RBM42: variants seen among roughly 807,000 people sequenced by gnomAD.
RBM42 encodes the protein RNA-binding protein 42.
In RBM42, 21 loss-of-function variants were observed where a neutral mutation model predicts 41.4. That is an observed-to-expected ratio of 0.51 (90% CI 0.36 to 0.73). The LOEUF (loss-of-function observed/expected upper bound fraction) is 0.73. Among genes scored for constraint, RBM42 ranks in the 30% least tolerant of loss-of-function variants. RBM42 has a pLI of 0.00. For missense variants in RBM42, 539 were observed against 680.4 expected (o/e 0.79, Z 2.31); for synonymous variants, 272 against 271.2 (o/e 1.00, Z -0.03).
Position 35,633,181 on chromosome 19 carries a change from A to G in RBM42, c.613A>G (p.Met205Val). The part of the protein sequence containing the change: ...PPLPGPPGPP[M>V]MLPPMARAPG... ...TCTGCCTGGGCCCCCTGGACCACCC[A>G]TGATGCTGCCACCAATGGCTCGGGC... is the stretch of plus-strand genomic sequence containing the variant. The change falls in exon 6 of 10, where the codon ATG (methionine) becomes GTG (valine). Residue 205 changes from methionine to valine, a missense_variant. Physicochemically the swap from Met to Val is conservative, Grantham distance 21. Transcript: ENST00000262633. 6.2e-7 allele frequency: 1 copy of G among 1,612,260 alleles called. No homozygotes were observed. Among genetic ancestry groups the G allele is most frequent in the Non-Finnish European group, 8.5e-7 (1 of 1,178,986 alleles).
chr19:35,633,295 G>A lies in RBM42; in HGVS notation c.684+43G>A, dbSNP rs751625073. On this transcript the variant is annotated intron_variant, in intron 6 of 9. Transcript: ENST00000262633. The stretch of plus-strand genomic sequence containing the variant: ...ACTAACGGTCAGATGTGCGGTGGAC[G>A]GGGAGACCATCCATCCTGGCCCAAT... 2.3e-5 allele frequency: 33 copies of A among 1,461,198 alleles called. No individual in the cohort carries two copies. The East Asian group carries it at 2.8e-4, about 12-fold the overall frequency. 90.5% of individuals were successfully genotyped at this position (1,461,198 alleles called of 1,614,324 possible).
At position 35,629,097 on chromosome 19, in the gene RBM42, A is replaced by G. The variant is rs1256734186; in HGVS notation, c.-57A>G. On this transcript the variant is annotated 5_prime_UTR_variant, in exon 1 of 10. Transcript: ENST00000262633. ...ACGAAGGGGGAGAGTAGACAGCAGA[A>G]CCAGCGGCGGCGGCTAAGCAGAGAC... 2.0e-6 allele frequency: 3 copies of G among 1,481,286 alleles called. No individual in the cohort carries two copies. The highest frequency in any genetic ancestry group is 2.7e-6 in the Non-Finnish European group (3 of 1,120,054). The allele number at this position is 1,481,286 out of a possible 1,614,324, so 91.8% of individuals were successfully genotyped here.
At position 35,629,101 on chromosome 19, in the gene RBM42, G is replaced by T; in HGVS notation, c.-53G>T. ...AGGGGGAGAGTAGACAGCAGAACCA[G>T]CGGCGGCGGCTAAGCAGAGACTGTA... On this transcript the variant is annotated 5_prime_UTR_variant, in exon 1 of 10. Coordinates refer to ENST00000262633, the MANE Select transcript of RBM42 (RefSeq NM_024321.5). 5 of 1,480,022 alleles carry T rather than the reference G, an allele frequency of 3.4e-6. No homozygotes were observed. Among genetic ancestry groups the T allele is most frequent in the Non-Finnish European group, 4.5e-6 (5 of 1,119,110 alleles). The allele number at this position is 1,480,022 out of a possible 1,614,324, so 91.7% of individuals were successfully genotyped here.
At position 35,631,233 on chromosome 19, in the gene RBM42, A is replaced by C. The variant is rs1568333896; in HGVS notation, c.367+9A>C. Reference sequence around the variant, plus strand: ...TCCTTTTGTAGGCCCTGGTAAGTAAAGAGTAGCAAGGTGAGGGGGTTGGGC... The same window carrying C: ...TCCTTTTGTAGGCCCTGGTAAGTAACGAGTAGCAAGGTGAGGGGGTTGGGC... On this transcript the variant is annotated intron_variant, in intron 3 of 9. Transcript: ENST00000262633. 10 of 1,613,922 alleles carry C rather than the reference A, an allele frequency of 6.2e-6. No homozygotes were observed. The highest frequency in any genetic ancestry group is 3.3e-5 in the South Asian group (3 of 91,078).
At chr19:35,631,662 T>C (rs1967409224) in intron 4 of RBM42, 1 of 539,396 alleles carries the variant, frequency 1.9e-6, no homozygotes, top group Admixed American at 3.6e-5. Context: ...TAACAAGCTA[T>C]ATAATTTCTT....
At chr19:35,636,524 CAG>C (rs1461193929) in intron 8 of RBM42, among the ~76,000 whole-genome samples, 1 of 152,176 alleles carries the variant, frequency 6.6e-6, no homozygotes, top group African/African-American at 2.4e-5. Context: ...TTCATTGGGA[CAG>C]AGCATGTTCA....
chr19:35,634,868 C>G (rs1967470116), intron 8 of RBM42, among the ~76,000 whole-genome samples: 1 of 151,848 alleles, frequency 6.6e-6, no homozygotes, highest in Non-Finnish European at 1.5e-5. Flanking sequence ...ACCCGTCTAC[C>G]CACCACCTAG....
chr19:35,636,595 GC>G (rs1432359144), intron 8 of RBM42, among the ~76,000 whole-genome samples: 3 of 152,236 alleles, frequency 2.0e-5, no homozygotes, highest in African/African-American at 7.2e-5. Context: ...TGCAGCCATG[GC>G]GGAGGAGCAG....
intron 6 of RBM42, 42 bp from the exon 7 acceptor site, chr19:35,633,645 G>C: frequency 7.2e-7 from 1 of 1,387,954 alleles, no homozygotes; most frequent in Non-Finnish European, 9.3e-7. Flanking sequence ...TAAAGTCTGA[G>C]CCTGTGAGCC....
Position 35,634,026 on chromosome 19 carries a change from A to C in RBM42, c.1017+7A>C. The C allele has an allele frequency of 6.7e-7, 1 of 1,493,864 alleles. No homozygotes were observed. Among genetic ancestry groups the C allele is most frequent in the Non-Finnish European group, 8.9e-7 (1 of 1,126,872 alleles). 92.5% of individuals were successfully genotyped at this position (1,493,864 alleles called of 1,614,324 possible). ...AGGCCTCATGGCTCTTGAGGTAAGCAGGGAGCCTAGCGGTGAAGGGACAGA... is the reference window on the plus strand; with the variant it reads ...AGGCCTCATGGCTCTTGAGGTAAGCCGGGAGCCTAGCGGTGAAGGGACAGA... On this transcript the variant is annotated splice_region_variant and intron_variant, in intron 7 of 9. Coordinates refer to ENST00000262633, the MANE Select transcript of RBM42 (RefSeq NM_024321.5).
intron 8 of RBM42, among the ~76,000 whole-genome samples, chr19:35,635,814 C>G (rs879819528): frequency 6.6e-6 from 1 of 152,140 alleles, no homozygotes; most frequent in Non-Finnish European, 1.5e-5. Flanking sequence ...GCCACCACGC[C>G]CAGCCTCGAT....
chr19:35,636,411 C>T (rs1005238526), intron 8 of RBM42, among the ~76,000 whole-genome samples: 8 of 152,182 alleles, frequency 5.3e-5, no homozygotes, highest in South Asian at 2.1e-4. Flanking sequence ...CCACCTGCCT[C>T]AGCCTCCCAA....
Sources: allele counts gnomAD v4.1 joint callset (sites outside exome capture counted in the v4.1 genomes callset), GRCh38; gene constraint gnomAD v4.1.1; transcripts MANE v1.5; gene names NCBI Gene and HGNC (gene_info 2026-07-23, HGNC 2026-07-21).